The following GABRB2 variants were observed in gnomAD, a reference collection of about 807,000 sequenced individuals.
The protein encoded by GABRB2 is gamma-aminobutyric acid receptor subunit beta-2.
A neutral mutation model predicts 54.7 loss-of-function variants in GABRB2; 16 were observed. That is an observed-to-expected ratio of 0.29 (90% CI 0.20 to 0.44). The LOEUF is 0.44. Among genes scored for constraint, GABRB2 ranks in the 20% least tolerant of loss-of-function variants. GABRB2 has a pLI of 1.00. For missense variants in GABRB2, 355 were observed against 644.0 expected, an observed-to-expected ratio of 0.55 and a Z score of 4.86; for synonymous variants, 244 against 233.8, an observed-to-expected ratio of 1.04 and a Z score of -0.40.
chr5:161,336,871 T>C, intron 5 of GABRB2, 102 bp from the exon 6 acceptor site: 2 of 1,201,542 alleles, frequency 1.7e-6, no homozygotes, highest in Non-Finnish European at 2.3e-6. Context: ...ATGACCTATA[T>C]AAATAATATA....
chr5:161,509,796 C>T (rs1759711232), intron 3 of GABRB2, among the ~76,000 whole-genome samples: 1 of 151,902 alleles, frequency 6.6e-6, no homozygotes, highest in Non-Finnish European at 1.5e-5. Context: ...TCTATTGCTA[C>T]TATCTTAGGA....
chr5:161,520,633 T>A (rs1287899798), intron 3 of GABRB2, among the ~76,000 whole-genome samples: 1 of 152,050 alleles, frequency 6.6e-6, no homozygotes, highest in African/African-American at 2.4e-5. Flanking sequence ...AGAGATTAAG[T>A]AACTTGCCTA....
intron 3 of GABRB2, among the ~76,000 whole-genome samples, chr5:161,508,667 T>A (rs191201734): frequency 1.3e-5 from 2 of 152,136 alleles, no homozygotes; most frequent in East Asian, 1.9e-4. Flanking sequence ...GAAAAAAGAC[T>A]GAGTCTGTGG....
intron 3 of GABRB2, among the ~76,000 whole-genome samples, chr5:161,527,268 A>C (rs1358523396): frequency 4.6e-5 from 7 of 151,460 alleles, no homozygotes; most frequent in Admixed American, 4.6e-4. Context: ...AAATTTTATT[A>C]TTACAACTAT....
chr5:161,501,655 T>C (rs1323539786), intron 3 of GABRB2, among the ~76,000 whole-genome samples: 1 of 152,134 alleles, frequency 6.6e-6, no homozygotes, highest in Admixed American at 6.5e-5. Flanking sequence ...TGTTTGACAT[T>C]GAACCCGATT....
chr5:161,342,855 T>C (rs1052202672), intron 5 of GABRB2, among the ~76,000 whole-genome samples: 1 of 152,072 alleles, frequency 6.6e-6, no homozygotes, highest in Admixed American at 6.6e-5. Flanking sequence ...AATTATCTTT[T>C]AATGGAGCAA....
At chr5:161,434,070 C>A (rs1757248023) in intron 4 of GABRB2, among the ~76,000 whole-genome samples, 1 of 151,942 alleles carries the variant, frequency 6.6e-6, no homozygotes, top group Non-Finnish European at 1.5e-5. Flanking sequence ...GAAAAAGCAC[C>A]ATGGAAGGAT....
At chr5:161,443,966 CT>C (rs1416096390) in intron 4 of GABRB2, among the ~76,000 whole-genome samples, 1 of 152,138 alleles carries the variant, frequency 6.6e-6, no homozygotes, top group Admixed American at 6.6e-5. Flanking sequence ...AAAAGCATTT[CT>C]CATTATCACA....
Position 161,426,072 on chromosome 5 carries a change from A to G in GABRB2, c.459-15015T>C, listed in dbSNP as rs140614658. 1.0e-3 allele frequency among the ~76,000 whole-genome samples: 158 copies of G among 152,242 alleles called. 1 individual carries two copies. The highest frequency in any genetic ancestry group is 3.6e-3 in the African/African-American group (151 of 41,564). The stretch of plus-strand genomic sequence containing the variant: ...CATCACTACATGACTCATAACAGTG[A>G]GGAGTGGGAGCACAGTGTTAGGTAA... On this transcript the variant is annotated intron_variant, in intron 4 of 9. Transcript: ENST00000393959.
chr5:161,364,984 G>A (rs1754933019), intron 5 of GABRB2, among the ~76,000 whole-genome samples: 2 of 151,930 alleles, frequency 1.3e-5, no homozygotes, highest in African/African-American at 4.8e-5. Flanking sequence ...ATTTTCCTGT[G>A]GTCCTTAATC....
chr5:161,297,853 G>T (rs148331507), intron 9 of GABRB2, among the ~76,000 whole-genome samples: 1 of 152,092 alleles, frequency 6.6e-6, no homozygotes, highest in Non-Finnish European at 1.5e-5. Context: ...TTTAGGAATC[G>T]CCACACTGTC....
rs1023345974 is a variant in GABRB2 at position 161,290,370 on chromosome 5, A to C, written c.*3711T>G. ...TCCTTGAAAAAGAGAGCAATTAGAC[A>C]AGCAATGTGACAACTACTTAACTTC... On this transcript the variant is annotated 3_prime_UTR_variant, in exon 10 of 10. Transcript: ENST00000393959. 6.6e-6 allele frequency: 1 copy of C among 152,546 alleles called. No individual in the cohort carries two copies. Among genetic ancestry groups the C allele is most frequent in the African/African-American group, 2.4e-5 (1 of 41,438 alleles). 9.4% of individuals were successfully genotyped at this position (152,546 alleles called of 1,614,324 possible).
At chr5:161,480,963 T>G (rs529620753) in intron 3 of GABRB2, among the ~76,000 whole-genome samples, 1 of 152,006 alleles carries the variant, frequency 6.6e-6, no homozygotes, top group Non-Finnish European at 1.5e-5. Flanking sequence ...GGATTTTAAA[T>G]CAACAGTAAG....
At chr5:161,510,929 T>C (rs1561677151) in intron 3 of GABRB2, among the ~76,000 whole-genome samples, 1 of 151,982 alleles carries the variant, frequency 6.6e-6, no homozygotes, top group Non-Finnish European at 1.5e-5. Context: ...GCTTAGAGGC[T>C]CATAATCACA....
chr5:161,293,787 A>T lies in GABRB2; in HGVS notation c.*294T>A. ...GCCTTCTAAGAATATCTTCCAAATTATTCCCCTCTGAGTAGGCTGCATACT... is the reference window on the plus strand; with the variant it reads ...GCCTTCTAAGAATATCTTCCAAATTTTTCCCCTCTGAGTAGGCTGCATACT... On this transcript the variant is annotated 3_prime_UTR_variant, in exon 10 of 10. Coordinates refer to ENST00000393959, the MANE Select transcript of GABRB2 (RefSeq NM_001371727.1). 1 of 322,338 alleles carries T rather than the reference A, an allele frequency of 3.1e-6. No homozygotes were observed. The highest frequency in any genetic ancestry group is 5.7e-6 in the Non-Finnish European group (1 of 174,998). 20.0% of individuals were successfully genotyped at this position (322,338 alleles called of 1,614,324 possible).
At chr5:161,410,895 G>T in intron 5 of GABRB2, 80 bp downstream of exon 5, 1 of 1,075,736 alleles carries the variant, frequency 9.3e-7, no homozygotes, top group Middle Eastern at 2.4e-4. Flanking sequence ...CTGTGGTCTG[G>T]ACATGAGCCA....
chr5:161,546,408 T>C lies in GABRB2; in HGVS notation c.83A>G (p.Asn28Ser), dbSNP rs1345193474. 3.7e-6 allele frequency: 6 copies of C among 1,613,222 alleles called. 1 individual carries two copies. The South Asian group carries it at 4.4e-5, about 12-fold the overall frequency. Residue 28 changes from asparagine to serine, a missense_variant, in exon 2 of 10, where the codon AAT becomes AGT. By Grantham distance (46) the Asn-to-Ser change is conservative. Around this residue, in one of 6 missense-constraint regions of GABRB2, gnomAD observed 42 missense variants for 43.0 expected, o/e 0.98. Coordinates refer to ENST00000393959, the MANE Select transcript of GABRB2 (RefSeq NM_001371727.1). Reference sequence around the variant, plus strand: ...AACCAGCGACATATTACTAGGGTCATTGACACTAAAGAAAGAAATGACAAT... The same window carrying C: ...AACCAGCGACATATTACTAGGGTCACTGACACTAAAGAAAGAAATGACAAT... ...IIAAVCAQSV[N>S]DPSNMSLVKE...
chr5:161,507,021 T>G (rs1759627606), intron 3 of GABRB2, among the ~76,000 whole-genome samples: 1 of 152,038 alleles, frequency 6.6e-6, no homozygotes, highest in Non-Finnish European at 1.5e-5. Context: ...ATTAGTCGGG[T>G]AAGAAAACAT....
At chr5:161,363,974 G>A (rs927733883) in intron 5 of GABRB2, among the ~76,000 whole-genome samples, 6 of 152,054 alleles carry the variant, frequency 3.9e-5, no homozygotes, top group Non-Finnish European at 7.4e-5. Flanking sequence ...GTATGTTTTC[G>A]TAAGATTCAT....
Sources: allele counts gnomAD v4.1 joint callset (sites outside exome capture counted in the v4.1 genomes callset), GRCh38; gene constraint gnomAD v4.1.1; regional missense constraint gnomAD v4.1.1; transcripts MANE v1.5; gene names NCBI Gene and HGNC (gene_info 2026-07-23, HGNC 2026-07-21).